The following THADA variants were observed in gnomAD, a reference collection of about 807,000 sequenced individuals.
THADA encodes tRNA (32-2'-O)-methyltransferase regulator THADA.
In THADA, 213 loss-of-function variants were observed where a neutral mutation model predicts 219.8. The ratio of observed to expected loss-of-function variants is 0.97; its 90% CI spans 0.87 to 1.09. THADA has a LOEUF of 1.09. Among genes scored for constraint, THADA ranks in the 50% least tolerant of loss-of-function variants. The pLI, the probability that THADA is intolerant of heterozygous loss-of-function variation, is 0.00. For missense variants in THADA, 2,956 were observed against 2,311.3 expected (o/e 1.28, Z -5.72); for synonymous variants, 1,018 against 828.9 (o/e 1.23, Z -3.92).
chr2:43,561,209 A>G (rs958711807), intron 15 of THADA, among the ~76,000 whole-genome samples: 3 of 152,170 alleles, frequency 2.0e-5, no homozygotes, highest in African/African-American at 7.2e-5. Context: ...ACTCATCCCT[A>G]TAACAACATG....
At chr2:43,495,621 T>C (rs1405077560) in intron 25 of THADA, among the ~76,000 whole-genome samples, 1 of 152,070 alleles carries the variant, frequency 6.6e-6, no homozygotes. Flanking sequence ...AAATAGTCTT[T>C]TCAAAAAAAA....
chr2:43,388,902 C>G (rs750464048), intron 29 of THADA, among the ~76,000 whole-genome samples: 13 of 152,182 alleles, frequency 8.5e-5, no homozygotes, highest in Non-Finnish European at 1.6e-4. Flanking sequence ...TACTCACCAT[C>G]TACACCAGTG....
chr2:43,528,616 A>G (rs116527451), intron 21 of THADA, among the ~76,000 whole-genome samples: 239 of 152,274 alleles, frequency 1.6e-3, no homozygotes, highest in African/African-American at 5.6e-3. Flanking sequence ...CTGGCTCCAG[A>G]GTTGACCATC....
rs1332778245 is a variant in THADA, at chr2:43,484,259, C to G, written c.3836+975G>C. Reference sequence around the variant, plus strand: ...CCATAGTAGGTTTCATTAGAATTATCACTAGTACATCACAAAATGATTTCA... The same window carrying G: ...CCATAGTAGGTTTCATTAGAATTATGACTAGTACATCACAAAATGATTTCA... On this transcript the variant is annotated intron_variant, in intron 26 of 37. Coordinates refer to ENST00000405975, the MANE Select transcript of THADA (RefSeq NM_022065.5). 2.4e-5 allele frequency: 4 copies of G among 166,012 alleles called. No individual in the cohort carries two copies. In the East Asian group the frequency reaches 7.7e-4, roughly 32 times the overall value. The allele number at this position is 166,012 out of a possible 1,614,324, so 10.3% of individuals were successfully genotyped here. A position where few individuals can be genotyped will look rare whatever the true frequency, so the allele number is the denominator to read the frequency against.
chr2:43,431,615 G>A (rs1299965274), intron 26 of THADA, among the ~76,000 whole-genome samples: 15 of 125,464 alleles, frequency 1.2e-4, no homozygotes, highest in African/African-American at 2.9e-4. Flanking sequence ...ACAGGCGCCC[G>A]CCACCACGCC....
At chr2:43,483,162 G>C (rs1047848140) in intron 26 of THADA, among the ~76,000 whole-genome samples, 2 of 152,180 alleles carry the variant, frequency 1.3e-5, no homozygotes, top group African/African-American at 4.8e-5. Context: ...GACTTGTGAG[G>C]TGTGTCACCG....
Position 43,280,024 on chromosome 2 carries a change from A to G in THADA, c.5165-128T>C, listed in dbSNP as rs187825151. Reference sequence around the variant, plus strand: ...TACAGCTATCTCTTTTTTTCTGGGTATTGTTAAGATAGAAAGAGTGTTAGA... The same window carrying G: ...TACAGCTATCTCTTTTTTTCTGGGTGTTGTTAAGATAGAAAGAGTGTTAGA... On this transcript the variant is annotated intron_variant, in intron 35 of 37. Coordinates refer to ENST00000405975, the MANE Select transcript of THADA (RefSeq NM_022065.5). 1.9e-5 allele frequency: 18 copies of G among 943,822 alleles called. No individual in the cohort carries two copies. In the Admixed American group the frequency reaches 2.0e-4, roughly 11 times the overall value. The allele number at this position is 943,822 out of a possible 1,614,324, so 58.5% of individuals were successfully genotyped here.
At chr2:43,265,930 A>AACACACAC (rs56173099) in intron 36 of THADA, among the ~76,000 whole-genome samples, 2 of 124,736 alleles carry the variant, frequency 1.6e-5, no homozygotes, top group African/African-American at 3.0e-5. Flanking sequence ...TTACTTTTGA[A>AACACACAC]ACACACACAC....
Position 43,588,347 on chromosome 2 carries a change from T to C in THADA, c.303-1345A>G, listed in dbSNP as rs143199698. On this transcript the variant is annotated intron_variant, in intron 4 of 37. Coordinates refer to ENST00000405975, the MANE Select transcript of THADA (RefSeq NM_022065.5). ...AAATAATGTTTTAAATAATCTTGTATTACAGAAAGCACATATAGCAAGGTA... is the reference window on the plus strand; with the variant it reads ...AAATAATGTTTTAAATAATCTTGTACTACAGAAAGCACATATAGCAAGGTA... Among the ~76,000 whole-genome samples, 975 of 151,188 alleles carry C rather than the reference T, an allele frequency of 6.4e-3. 5 individuals are homozygous for C. The highest frequency in any genetic ancestry group is 8.6e-3 in the Non-Finnish European group (581 of 67,860).
intron 28 of THADA, among the ~76,000 whole-genome samples, chr2:43,424,971 A>G (rs550286160): frequency 6.6e-6 from 1 of 152,284 alleles, no homozygotes; most frequent in Non-Finnish European, 1.5e-5. Flanking sequence ...GACAGCCTGT[A>G]CTCAGATACA....
At chr2:43,454,179 C>T (rs1274206612) in intron 26 of THADA, among the ~76,000 whole-genome samples, 1 of 152,150 alleles carries the variant, frequency 6.6e-6, no homozygotes, top group Non-Finnish European at 1.5e-5. Context: ...CTCTTTTCTT[C>T]CCTTTAGTTA....
intron 28 of THADA, among the ~76,000 whole-genome samples, chr2:43,398,509 G>C (rs921424996): frequency 8.5e-5 from 13 of 152,148 alleles, no homozygotes; most frequent in African/African-American, 3.1e-4. Context: ...TGTCTTTGAA[G>C]AGCCCATACT....
intron 15 of THADA, among the ~76,000 whole-genome samples, chr2:43,561,976 A>G (rs1698122746): frequency 2.6e-5 from 4 of 152,148 alleles, no homozygotes; most frequent in Admixed American, 2.6e-4. Context: ...ATTCTGTCAA[A>G]TGCCTTTTCT....
intron 35 of THADA, among the ~76,000 whole-genome samples, chr2:43,280,105 G>A (rs1673171068): frequency 6.6e-6 from 1 of 152,084 alleles, no homozygotes; most frequent in Admixed American, 6.5e-5. Flanking sequence ...GCCTTTTTTG[G>A]GGGTGAGGAT....
At chr2:43,249,584 C>T (rs544333871) in intron 36 of THADA, among the ~76,000 whole-genome samples, 48 of 152,314 alleles carry the variant, frequency 3.2e-4, no homozygotes, top group Middle Eastern at 3.4e-3. Context: ...CGTGGCTTCC[C>T]GGCCCCCTAG....
intron 30 of THADA, among the ~76,000 whole-genome samples, chr2:43,324,415 C>T (rs1032507572): frequency 2.6e-5 from 4 of 152,144 alleles, no homozygotes; most frequent in African/African-American, 7.2e-5. Flanking sequence ...CCCTCAAATG[C>T]TGCTGCTTTG....
At chr2:43,567,953 C>A (rs769962433) in intron 14 of THADA, among the ~76,000 whole-genome samples, 28 of 152,168 alleles carry the variant, frequency 1.8e-4, no homozygotes, top group Admixed American at 3.3e-4. Context: ...ATGTCATTCA[C>A]ATCAGTGAAT....
intron 28 of THADA, among the ~76,000 whole-genome samples, chr2:43,403,183 C>T (rs1553428806): frequency 6.6e-6 from 1 of 152,200 alleles, no homozygotes; most frequent in Non-Finnish European, 1.5e-5. Flanking sequence ...CTACAAAATT[C>T]AGTCTTTCTA....
intron 36 of THADA, among the ~76,000 whole-genome samples, chr2:43,269,382 T>C (rs540415026): frequency 1.2e-4 from 19 of 152,314 alleles, no homozygotes; most frequent in African/African-American, 4.6e-4. Flanking sequence ...TGGGAGGCCA[T>C]GGTAACAATC....
Sources: allele counts gnomAD v4.1 joint callset (sites outside exome capture counted in the v4.1 genomes callset), GRCh38; gene constraint gnomAD v4.1.1; transcripts MANE v1.5; gene names NCBI Gene and HGNC (gene_info 2026-07-23, HGNC 2026-07-21).